RNF144B: variants seen among roughly 807,000 people sequenced by gnomAD.
The protein encoded by RNF144B is ring finger protein 144B, also known as E3 ubiquitin-protein ligase RNF144B.
RNF144B carries 25 observed loss-of-function variants against 40.2 expected under a neutral mutation model. That is an observed-to-expected ratio of 0.62 (90% CI 0.45 to 0.87). The LOEUF (loss-of-function observed/expected upper bound fraction) is 0.87, where lower values mean the gene tolerates loss of function less well. Among genes scored for constraint, RNF144B ranks in the 40% least tolerant of loss-of-function variants. The probability of loss-of-function intolerance (pLI) is 0.00; values close to 1 mark genes in which losing one functional copy is unlikely to be tolerated. For synonymous variants in RNF144B, 145 were observed against 136.3 expected, an observed-to-expected ratio of 1.06 and a Z score of -0.44; for missense variants, 365 against 373.7, an observed-to-expected ratio of 0.98 and a Z score of 0.19.
rs527237133 is a variant in RNF144B, at chr6:18,425,494, C to G, written c.166-2087C>G. Among the ~76,000 whole-genome samples the G allele has an allele frequency of 6.6e-6, 1 of 152,234 alleles. No individual in the cohort carries two copies. The highest frequency in any genetic ancestry group is 2.1e-4 in the South Asian group (1 of 4,818). On this transcript the variant is annotated intron_variant, in intron 2 of 7. Transcript: ENST00000259939. The surrounding 1 kb of genome is among the most constrained non-coding windows in gnomAD (Gnocchi z 4.2). Reference sequence around the variant, plus strand: ...ACTGTTCCCCTGGGTGTTCGCCTGCCCATTGACATTCTTCCCCATATTTCC... The same window carrying G: ...ACTGTTCCCCTGGGTGTTCGCCTGCGCATTGACATTCTTCCCCATATTTCC...
At position 18,387,437 on chromosome 6, in the gene RNF144B, C is replaced by T. The variant is rs1026670033; in HGVS notation, c.-230C>T. 1.2e-5 allele frequency: 14 copies of T among 1,208,672 alleles called. No individual in the cohort carries two copies. Among genetic ancestry groups the T allele is most frequent in the Non-Finnish European group, 1.5e-5 (14 of 944,592 alleles). 74.9% of individuals were successfully genotyped at this position (1,208,672 alleles called of 1,614,324 possible). Reference sequence around the variant, plus strand: ...GAGGCGGTCGGGGACTCCGCCTCCTCCCGACCCGTAGGTCTGGGAGCGCAA... The same window carrying T: ...GAGGCGGTCGGGGACTCCGCCTCCTTCCGACCCGTAGGTCTGGGAGCGCAA... On this transcript the variant is annotated 5_prime_UTR_variant, in exon 1 of 8. Coordinates refer to ENST00000259939, the MANE Select transcript of RNF144B (RefSeq NM_182757.4).
chr6:18,389,730 C>G (rs1389559557), intron 1 of RNF144B, among the ~76,000 whole-genome samples: 2 of 152,122 alleles, frequency 1.3e-5, no homozygotes, highest in African/African-American at 4.8e-5. Context: ...CTTTGTACAA[C>G]TGATTATTTT....
Position 18,456,820 on chromosome 6 carries a change from T to A in RNF144B, c.332-335T>A, listed in dbSNP as rs1410286039. ...TCATGCCTGTAAAATCCCAGCACTT[T>A]GGGAGGCCAAGGTAGGCAGATCACC... is the stretch of plus-strand genomic sequence containing the variant. On this transcript the variant is annotated intron_variant, in intron 4 of 7. Transcript: ENST00000259939. The surrounding 1 kb of genome is among the most constrained non-coding windows in gnomAD (Gnocchi z 4.7). 6.6e-6 allele frequency among the ~76,000 whole-genome samples: 1 copy of A among 152,146 alleles called. No homozygotes were observed. The highest frequency in any genetic ancestry group is 1.5e-5 in the Non-Finnish European group (1 of 68,030).
Position 18,399,556 on chromosome 6 carries a change from C to T in RNF144B, c.22C>T (p.His8Tyr). The T allele has an allele frequency of 6.2e-7, 1 of 1,614,120 alleles. No homozygotes were observed. The highest frequency in any genetic ancestry group is 8.5e-7 in the Non-Finnish European group (1 of 1,179,992). The change falls in exon 2 of 8, where the codon CAC (histidine) becomes TAC (tyrosine). Residue 8 changes from histidine (H) to tyrosine (Y), a missense_variant. Transcript: ENST00000259939. ...GCTGATGGGCTCAGCTGGTAGGCTC[C>T]ACTATCTCGCCATGACTGCTGAAAA... MGSAGRL[H>Y]YLAMTAENPT...
chr6:18,461,353 G>A (rs1212827964), intron 6 of RNF144B, among the ~76,000 whole-genome samples: 1 of 152,162 alleles, frequency 6.6e-6, no homozygotes, highest in Non-Finnish European at 1.5e-5. Flanking sequence ...GTGATATTCT[G>A]GATGAGGATT....
At chr6:18,409,375 C>CAAAAA (rs770011648) in intron 2 of RNF144B, among the ~76,000 whole-genome samples, 30 of 59,552 alleles carry the variant, frequency 5.0e-4, no homozygotes, top group East Asian at 1.2e-3. Flanking sequence ...GAGACTGTCT[C>CAAAAA]AAAAAAAAAA....
At chr6:18,409,580 TA>T (rs1794993607) in intron 2 of RNF144B, among the ~76,000 whole-genome samples, 29 of 139,224 alleles carry the variant, frequency 2.1e-4, no homozygotes, top group South Asian at 1.2e-3. Flanking sequence ...TTTTTTTTTT[TA>T]CTTTTTGAGA....
At position 18,416,287 on chromosome 6, in the gene RNF144B, G is replaced by A. The variant is rs2113483952; in HGVS notation, c.166-11294G>A. On this transcript the variant is annotated intron_variant, in intron 2 of 7. Coordinates refer to ENST00000259939, the MANE Select transcript of RNF144B (RefSeq NM_182757.4). The surrounding 1 kb of genome is among the most constrained non-coding windows in gnomAD (Gnocchi z 5.5). ...ACTCCTCTGAAAGGTTAATGGATGA[G>A]TGATTGAATTACTCAAATTGGAAGC... Among the ~76,000 whole-genome samples, 1 of 152,300 alleles carries A rather than the reference G, an allele frequency of 6.6e-6. No homozygotes were observed. The highest frequency in any genetic ancestry group is 1.9e-4 in the East Asian group (1 of 5,180).
In RNF144B at chr6:18,406,158, A is replaced by G. The variant is rs1276591596; in HGVS notation, c.165+6459A>G. 1.2e-5 allele frequency: 6 copies of G among 518,850 alleles called. No homozygotes were observed. The highest frequency in any genetic ancestry group is 1.9e-5 in the African/African-American group (1 of 51,944). The allele number at this position is 518,850 out of a possible 1,614,324, so 32.1% of individuals were successfully genotyped here. On this transcript the variant is annotated intron_variant, in intron 2 of 7. Coordinates refer to ENST00000259939, the MANE Select transcript of RNF144B (RefSeq NM_182757.4). This position sits in a 1 kb window ranked among gnomAD's most constrained non-coding sequence, Gnocchi z 4.2. ...GTTTTCAAATAACTCAACTTTTCGT[A>G]TGAGACATAGATGCTAACAAGTAAA...
Position 18,446,847 on chromosome 6 carries a change from GT to G in RNF144B, c.331+7104del. On this transcript the variant is annotated intron_variant, in intron 4 of 7. Coordinates refer to ENST00000259939, the MANE Select transcript of RNF144B (RefSeq NM_182757.4). This position sits in a 1 kb window ranked among gnomAD's most constrained non-coding sequence, Gnocchi z 4.7. ...TTATTGGTTCTATTTTAGGGTGTGT[GT>G]GTGTGTGTGTGTGTGTGTGTGTGTG... Among the ~76,000 whole-genome samples the G allele has an allele frequency of 1.6e-5, 1 of 63,808 alleles. No individual in the cohort carries two copies. The highest frequency in any genetic ancestry group is 3.8e-5 in the Non-Finnish European group (1 of 26,300). 41.9% of individuals were successfully genotyped at this position (63,808 alleles called of 152,430 possible).
intron 3 of RNF144B, 88 bp from the exon 4 acceptor site, chr6:18,439,596 A>G (rs1181881064): frequency 8.8e-6 from 8 of 911,668 alleles, no homozygotes; most frequent in Non-Finnish European, 1.4e-5. Context: ...AAAGTATAAT[A>G]AGCAAAGCCA....
At chr6:18,438,819 G>T (rs1266791602) in intron 3 of RNF144B, among the ~76,000 whole-genome samples, 1 of 151,998 alleles carries the variant, frequency 6.6e-6, no homozygotes, top group East Asian at 1.9e-4. Flanking sequence ...TGTCTGGAAG[G>T]CTAATATCAA....
rs1759555477 is a variant in RNF144B, at chr6:18,465,436, A to G, written c.*369A>G. On this transcript the variant is annotated 3_prime_UTR_variant, in exon 8 of 8. Coordinates refer to ENST00000259939, the MANE Select transcript of RNF144B (RefSeq NM_182757.4). ...TGTGTTGTCATTGTTGGCAACATAC[A>G]AGATAACCAAGAAGCTGGAGTCTGT... The G allele has an allele frequency of 5.2e-6, 1 of 190,508 alleles. No individual in the cohort carries two copies. Among genetic ancestry groups the G allele is most frequent in the Non-Finnish European group, 1.1e-5 (1 of 92,322 alleles). The allele number at this position is 190,508 out of a possible 1,614,324, so 11.8% of individuals were successfully genotyped here. A position where few individuals can be genotyped will look rare whatever the true frequency, so the allele number is the denominator to read the frequency against.
chr6:18,459,555 T>A lies in RNF144B; in HGVS notation c.537-52T>A. On this transcript the variant is annotated intron_variant, in intron 5 of 7. Coordinates refer to ENST00000259939, the MANE Select transcript of RNF144B (RefSeq NM_182757.4). This position sits in a 1 kb window ranked among gnomAD's most constrained non-coding sequence, Gnocchi z 4.2. The stretch of plus-strand genomic sequence containing the variant: ...ATCTAACCATCAGGAGCCCTGGGAA[T>A]TCAACTGATGACCATCAGCTGAATG... 6 of 1,585,040 alleles carry A rather than the reference T, an allele frequency of 3.8e-6. No homozygotes were observed. The highest frequency in any genetic ancestry group is 5.2e-6 in the Non-Finnish European group (6 of 1,158,458).
chr6:18,463,052 T>A (rs1582452039), intron 6 of RNF144B, among the ~76,000 whole-genome samples: 1 of 138,678 alleles, frequency 7.2e-6, no homozygotes, highest in Admixed American at 7.1e-5. Flanking sequence ...AGGTCATTAC[T>A]ACTCTTTTTT....
chr6:18,411,651 G>C (rs1795050334), intron 2 of RNF144B, among the ~76,000 whole-genome samples: 1 of 150,936 alleles, frequency 6.6e-6, no homozygotes, highest in Admixed American at 6.6e-5. Context: ...TTACAAACAT[G>C]CGCCACCGCA....
At chr6:18,417,570 A>G (rs1246419629) in intron 2 of RNF144B, among the ~76,000 whole-genome samples, 1 of 152,190 alleles carries the variant, frequency 6.6e-6, no homozygotes. Flanking sequence ...ACCACAGACA[A>G]ACATTAACAA....
At chr6:18,392,601 T>C (rs1262903465) in intron 1 of RNF144B, among the ~76,000 whole-genome samples, 1 of 152,142 alleles carries the variant, frequency 6.6e-6, no homozygotes, top group Non-Finnish European at 1.5e-5. Flanking sequence ...ATGTTAAAAC[T>C]AAGAAATTAT....
rs3078245 is a variant in RNF144B, at chr6:18,408,938, GTT to G, written c.165+9256_165+9257del. 2.6e-3 allele frequency among the ~76,000 whole-genome samples: 372 copies of G among 144,016 alleles called. 2 individuals carry two copies. The highest frequency in any genetic ancestry group is 5.7e-3 in the South Asian group (26 of 4,598). The allele number at this position is 144,016 out of a possible 152,430, so 94.5% of individuals were successfully genotyped here. A position where few individuals can be genotyped will look rare whatever the true frequency, so the allele number is the denominator to read the frequency against. ...CTCCACCTATATAGTCCAGAAAAGTGTTTTTTTTTTTTTTTTTTCTCTGCAAA... is the reference window on the plus strand; with the variant it reads ...CTCCACCTATATAGTCCAGAAAAGTGTTTTTTTTTTTTTTTTCTCTGCAAA... On this transcript the variant is annotated intron_variant, in intron 2 of 7. Transcript: ENST00000259939.
Sources: allele counts gnomAD v4.1 joint callset (sites outside exome capture counted in the v4.1 genomes callset), GRCh38; gene constraint gnomAD v4.1.1; non-coding constraint Gnocchi (gnomAD v3.1); transcripts MANE v1.5; gene names NCBI Gene and HGNC (gene_info 2026-07-23, HGNC 2026-07-21).